Variants in SLTM observed in about 807,000 individuals in gnomAD.
SLTM encodes the protein SAFB-like transcription modulator.
Under a neutral mutation model 134.6 loss-of-function variants are expected in SLTM, and 43 were observed. That is an observed-to-expected ratio of 0.32 (90% CI 0.25 to 0.41). The LOEUF (loss-of-function observed/expected upper bound fraction) is 0.41. Among genes scored for constraint, SLTM ranks in the 10% least tolerant of loss-of-function variants. The probability of loss-of-function intolerance (pLI) is 1.00; values close to 1 mark genes in which losing one functional copy is unlikely to be tolerated. For synonymous variants in SLTM, 424 were observed against 432.3 expected (o/e 0.98, Z 0.24); for missense variants, 1,055 against 1,288.8 (o/e 0.82, Z 2.78).
intron 16 of SLTM, 186 bp from the exon 17 acceptor site, chr15:58,888,741 T>G (rs1386011815): frequency 2.2e-6 from 1 of 455,860 alleles, no homozygotes; most frequent in Non-Finnish European, 3.8e-6. Flanking sequence ...AGTCAAATAG[T>G]GTGAGAGGAA....
intron 3 of SLTM, among the ~76,000 whole-genome samples, chr15:58,914,418 G>A (rs530304245): frequency 2.7e-3 from 409 of 152,300 alleles, no homozygotes; most frequent in Non-Finnish European, 4.1e-3. Flanking sequence ...AGGTGAAAGA[G>A]GCAGAGGCAT....
intron 7 of SLTM, 68 bp from the exon 8 acceptor site, chr15:58,898,920 TGATA>T: frequency 9.0e-7 from 1 of 1,117,250 alleles, no homozygotes; most frequent in African/African-American, 1.6e-5. Context: ...CAGAACAGCT[TGATA>T]TTTACTATAT....
At chr15:58,916,329 A>G (rs2036648624) in intron 3 of SLTM, among the ~76,000 whole-genome samples, 1 of 152,008 alleles carries the variant, frequency 6.6e-6, no homozygotes, top group Non-Finnish European at 1.5e-5. Context: ...ATGCGCCACC[A>G]CACCTGGCTA....
At chr15:58,915,409 C>A (rs1225015537) in intron 3 of SLTM, among the ~76,000 whole-genome samples, 1 of 151,956 alleles carries the variant, frequency 6.6e-6, no homozygotes, top group Non-Finnish European at 1.5e-5. Context: ...CTGAAAGAAA[C>A]AAATTTGAAA....
At chr15:58,917,727 A>G (rs1461997089) in intron 2 of SLTM, among the ~76,000 whole-genome samples, 1 of 152,102 alleles carries the variant, frequency 6.6e-6, no homozygotes, top group East Asian at 1.9e-4. Flanking sequence ...GCAACCTGGT[A>G]GTTAGAAATT....
At chr15:58,916,894 G>A (rs1207671948) in intron 3 of SLTM, 41 bp downstream of exon 3, 2 of 1,561,286 alleles carry the variant, frequency 1.3e-6, no homozygotes, top group South Asian at 2.2e-5. Flanking sequence ...AAAATACTAG[G>A]CTTAAAATAA....
At chr15:58,904,164 T>G in intron 5 of SLTM, among the ~76,000 whole-genome samples, 1 of 151,920 alleles carries the variant, frequency 6.6e-6, no homozygotes, top group East Asian at 1.9e-4. Context: ...CCACCACACC[T>G]GGCTAATTTT....
intron 20 of SLTM, among the ~76,000 whole-genome samples, chr15:58,883,312 C>G (rs1424370107): frequency 6.6e-6 from 1 of 152,118 alleles, no homozygotes; most frequent in Non-Finnish European, 1.5e-5. Context: ...GAGACTCCAT[C>G]TCAAAAAACA....
Position 58,899,681 on chromosome 15 carries a change from C to A in SLTM, c.846G>T (p.Gly282=). 6.2e-7 allele frequency: 1 copy of A among 1,614,154 alleles called. No homozygotes were observed. Among genetic ancestry groups the A allele is most frequent in the Non-Finnish European group, 8.5e-7 (1 of 1,180,010 alleles). ...TDSEASKPKD[G]QDAIAQSPEK... is the part of the protein sequence containing the mutation. ...CCGGGCTCTGTGCAATGGCGTCCTG[C>A]CCATCTTTTGGCTTACTTGCTTCAG... Residue 282 remains glycine (G), a synonymous_variant, in exon 7 of 21, where the codon GGG becomes GGT. Transcript: ENST00000380516. This position sits in a 1 kb window ranked among gnomAD's most constrained non-coding sequence, Gnocchi z 5.0.
chr15:58,887,584 T>C (rs370764748), intron 17 of SLTM, 44 bp from the exon 18 acceptor site: 3 of 1,553,022 alleles, frequency 1.9e-6, no homozygotes, highest in East Asian at 2.2e-5. Flanking sequence ...AAGTGCTTAC[T>C]TGAGTGCTTA....
chr15:58,920,599 G>C (rs550458107), intron 2 of SLTM, among the ~76,000 whole-genome samples: 1 of 150,166 alleles, frequency 6.7e-6, no homozygotes, highest in Non-Finnish European at 1.5e-5. Context: ...CTCCAGCCTG[G>C]GCAATGGAAT....
At chr15:58,928,091 T>C (rs1164046187) in intron 2 of SLTM, among the ~76,000 whole-genome samples, 1 of 152,226 alleles carries the variant, frequency 6.6e-6, no homozygotes, top group African/African-American at 2.4e-5. Context: ...TTTTTAGTCT[T>C]TTTAAAGCTG....
chr15:58,925,811 C>G (rs2037414095), intron 2 of SLTM, among the ~76,000 whole-genome samples: 1 of 152,180 alleles, frequency 6.6e-6, no homozygotes, highest in African/African-American at 2.4e-5. Flanking sequence ...ACAAGACTGT[C>G]AAAGGTAATT....
chr15:58,924,753 T>G (rs2037341418), intron 2 of SLTM, among the ~76,000 whole-genome samples: 1 of 152,216 alleles, frequency 6.6e-6, no homozygotes, highest in South Asian at 2.1e-4. Flanking sequence ...AACTAGTCCC[T>G]ATAATGGTTT....
Position 58,894,485 on chromosome 15 carries a change from A to G in SLTM, c.1325T>C (p.Ile442Thr). The part of the protein sequence containing the change: ...MSSSTEVSRC[I>T]AHLHRTELHG... Reference sequence around the variant, plus strand: ...CAGCTCAGTGCGATGAAGATGTGCAATACACCTGGACACCTCTGTGCTTGA... The same window carrying G: ...CAGCTCAGTGCGATGAAGATGTGCAGTACACCTGGACACCTCTGTGCTTGA... Residue 442 changes from isoleucine to threonine, a missense_variant, in exon 10 of 21, where the codon ATT (isoleucine) becomes ACT (threonine). Ile to Thr is a moderately conservative substitution (Grantham distance 89). Coordinates refer to ENST00000380516, the MANE Select transcript of SLTM (RefSeq NM_024755.4). 2 of 1,614,180 alleles carry G rather than the reference A, an allele frequency of 1.2e-6. No individual in the cohort carries two copies. The highest frequency in any genetic ancestry group is 2.2e-5 in the East Asian group (1 of 44,882).
At chr15:58,908,002 CGTGTGTGTGTGTGT>C (rs140029214) in intron 5 of SLTM, among the ~76,000 whole-genome samples, 1 of 139,868 alleles carries the variant, frequency 7.1e-6, no homozygotes, top group Non-Finnish European at 1.5e-5. Flanking sequence ...AAACATGCTG[CGTGTGTGTGTGTGT>C]GTGTGTGTGT....
chr15:58,900,471 G>A (rs545745329), intron 6 of SLTM: 17 of 153,216 alleles, frequency 1.1e-4, no homozygotes, highest in African/African-American at 3.4e-4. Flanking sequence ...CTCCAAAGAT[G>A]CTCCTGCTCC....
At chr15:58,904,694 C>A (rs1320898300) in intron 5 of SLTM, among the ~76,000 whole-genome samples, 2 of 151,542 alleles carry the variant, frequency 1.3e-5, no homozygotes, top group African/African-American at 4.9e-5. Context: ...CCACACCCGG[C>A]CAATTTTTTT....
In SLTM at chr15:58,883,841, T is replaced by C. The variant is rs538132271; in HGVS notation, c.2836-55A>G. 2.6e-5 allele frequency: 41 copies of C among 1,590,238 alleles called. No individual in the cohort carries two copies. In the African/African-American group the frequency reaches 3.4e-4, roughly 13 times the overall value. On this transcript the variant is annotated intron_variant, in intron 19 of 20. Transcript: ENST00000380516. ...GGCCGGGCGCAGTGGCTCATACCTA[T>C]AATCTCAGCACTTTGGGAGGCTGAG...
Sources: allele counts gnomAD v4.1 joint callset (sites outside exome capture counted in the v4.1 genomes callset), GRCh38; gene constraint gnomAD v4.1.1; non-coding constraint Gnocchi (gnomAD v3.1); transcripts MANE v1.5; gene names NCBI Gene and HGNC (gene_info 2026-07-23, HGNC 2026-07-21).